MIA2: variants seen among roughly 807,000 people sequenced by gnomAD.
The protein encoded by MIA2 is MIA SH3 domain ER export factor 2, also known as melanoma inhibitory activity protein 2.
A neutral mutation model predicts 167.8 loss-of-function variants in MIA2; 127 were observed. That is an observed-to-expected ratio of 0.76 (90% CI 0.66 to 0.88). The LOEUF is 0.88. Ranked by LOEUF, MIA2 falls within the 40% of genes least tolerant of loss-of-function variation. The pLI is 0.00. For synonymous variants in MIA2, 552 were observed against 541.9 expected, an observed-to-expected ratio of 1.02 and a Z score of -0.26; for missense variants, 1,690 against 1,624.7, an observed-to-expected ratio of 1.04 and a Z score of -0.69.
intron 26 of MIA2, chr14:39,347,402 AAAGGAGGGAGGAGGAAAAGAAGG>A (rs1483624961): frequency 8.6e-5 from 27 of 314,378 alleles, no homozygotes; most frequent in African/African-American, 5.5e-4. Context: ...GGCAAACATA[AAAGGAGGGAGGAGGAAAAGAAGG>A]AAGGAGGGAG....
chr14:39,287,624 C>T (rs746280710), intron 9 of MIA2, among the ~76,000 whole-genome samples: 29 of 151,866 alleles, frequency 1.9e-4, no homozygotes, highest in African/African-American at 6.5e-4. Flanking sequence ...AATGCAGTGG[C>T]GTGATCTCGG....
chr14:39,309,788 A>G (rs2063908252), intron 18 of MIA2, among the ~76,000 whole-genome samples: 2 of 152,286 alleles, frequency 1.3e-5, no homozygotes, highest in East Asian at 1.9e-4. Context: ...TGTTCAGTAC[A>G]TGTTTGTTGA....
Position 39,238,177 on chromosome 14 carries a change from G to GTT in MIA2, c.249+1133_249+1134dup, listed in dbSNP as rs553000757. Among the ~76,000 whole-genome samples, 86 of 145,404 alleles carry GTT rather than the reference G, an allele frequency of 5.9e-4. 1 individual carries two copies. Among genetic ancestry groups the GTT allele is most frequent in the African/African-American group, 7.0e-4 (28 of 39,814 alleles). On this transcript the variant is annotated intron_variant, in intron 2 of 28. Coordinates refer to ENST00000640607, the MANE Select transcript of MIA2 (RefSeq NM_001329214.4). ...GTAGCTAGGGAAGCTAGGTGTACAA[G>GTT]TTTTTTTTTTTTATTGAGACAGAGT...
At chr14:39,277,819 G>C (rs2058395528) in intron 7 of MIA2, among the ~76,000 whole-genome samples, 1 of 141,064 alleles carries the variant, frequency 7.1e-6, no homozygotes. Context: ...ATGTTGCCTA[G>C]GTTGTAGTGC....
intron 23 of MIA2, chr14:39,386,297 T>C (rs531962398): frequency 1.3e-6 from 2 of 1,481,528 alleles, no homozygotes; most frequent in Admixed American, 1.7e-5. Flanking sequence ...ATTTCTGGCC[T>C]CCAAAGTGAC....
intron 7 of MIA2, 139 bp from the exon 8 acceptor site, chr14:39,279,198 A>G (rs2058579805): frequency 3.2e-6 from 2 of 619,072 alleles, no homozygotes; most frequent in East Asian, 2.8e-5. Flanking sequence ...TTCTCATTGG[A>G]AACAGAATAC....
chr14:39,303,377 A>T, intron 15 of MIA2, 101 bp from the exon 16 acceptor site: 4 of 877,326 alleles, frequency 4.6e-6, no homozygotes, highest in Non-Finnish European at 7.2e-6. Context: ...AAGAGGGATT[A>T]TAAGTTTCTG....
At chr14:39,372,158 T>A (rs1439110414) in intron 23 of MIA2, among the ~76,000 whole-genome samples, 1 of 148,722 alleles carries the variant, frequency 6.7e-6, no homozygotes, top group African/African-American at 2.6e-5. Flanking sequence ...GATTCTGTTA[T>A]AAGAATGGAG....
At chr14:39,262,633 C>T (rs566746170) in intron 6 of MIA2, among the ~76,000 whole-genome samples, 6 of 152,314 alleles carry the variant, frequency 3.9e-5, no homozygotes, top group Non-Finnish European at 1.5e-5. Flanking sequence ...AATATTGATT[C>T]TTCCTATCCA....
At chr14:39,378,860 A>C (rs1473575355) in intron 23 of MIA2, among the ~76,000 whole-genome samples, 2 of 152,216 alleles carry the variant, frequency 1.3e-5, no homozygotes, top group African/African-American at 4.8e-5. Flanking sequence ...TGATTTTGGA[A>C]AGTTTGTCAA....
rs1247343464 is a variant in MIA2 at position 39,385,963 on chromosome 14, GC to G, written c.2249-920del. ...AGACACACTGAGAGGAGGACCAGGAGCCTGTCCGCCACCATTTGAGCAAGAA... is the reference window on the plus strand; with the variant it reads ...AGACACACTGAGAGGAGGACCAGGAGCTGTCCGCCACCATTTGAGCAAGAA... On this transcript the variant is annotated intron_variant, in intron 23 of 23. Transcript: ENST00000341502. 14 of 816,542 alleles carry G rather than the reference GC, an allele frequency of 1.7e-5. No individual in the cohort carries two copies. In the African/African-American group the frequency reaches 1.9e-4, roughly 11 times the overall value. 50.6% of individuals were successfully genotyped at this position (816,542 alleles called of 1,614,324 possible).
chr14:39,349,505 C>T, intron 28 of MIA2, among the ~76,000 whole-genome samples: 1 of 152,128 alleles, frequency 6.6e-6, no homozygotes, highest in Middle Eastern at 3.2e-3. Flanking sequence ...CTTTTATATT[C>T]ATACTTTACT....
chr14:39,317,966 GA>G lies in MIA2; in HGVS notation c.3242del (p.Asn1081ThrfsTer5), dbSNP rs2065795747. 1 of 1,582,842 alleles carries G rather than the reference GA, an allele frequency of 6.3e-7. No homozygotes were observed. The highest frequency in any genetic ancestry group is 1.4e-5 in the African/African-American group (1 of 73,466). The part of the protein sequence containing the change: ...DNWLAARNAE[R>X]NLNDLRKENA... Reference sequence around the variant, plus strand: ...AAGTTGGCAGCTCGGAATGCTGAAAGAAACCTCAATGATTTAAGGAAAGAAA... The same window carrying G: ...AAGTTGGCAGCTCGGAATGCTGAAAGAACCTCAATGATTTAAGGAAAGAAA... On this transcript the variant is annotated frameshift_variant, in exon 22 of 29. Transcript: ENST00000640607. LOFTEE classifies it high-confidence loss of function.
At chr14:39,347,919 TCTC>T in intron 27 of MIA2, 148 bp downstream of exon 27, 1 of 687,076 alleles carries the variant, frequency 1.5e-6, no homozygotes, top group Non-Finnish European at 2.3e-6. Flanking sequence ...TTCAAGCAAT[TCTC>T]CTGCCTCAGC....
chr14:39,288,169 A>G (rs1197472665), intron 9 of MIA2, among the ~76,000 whole-genome samples: 1 of 151,764 alleles, frequency 6.6e-6, no homozygotes, highest in Non-Finnish European at 1.5e-5. Flanking sequence ...TTTTATCAAG[A>G]GATGATGTTG....
chr14:39,354,753 G>A (rs1341558365), downstream of MIA2, among the ~76,000 whole-genome samples: 2 of 152,130 alleles, frequency 1.3e-5, no homozygotes, highest in Admixed American at 6.6e-5. Context: ...TGTAAGGAAG[G>A]GGTCCAGTTT....
chr14:39,315,813 T>G (rs2065305699), intron 21 of MIA2, 95 bp downstream of exon 21: 1 of 824,148 alleles, frequency 1.2e-6, no homozygotes. Flanking sequence ...ATAAATATAG[T>G]ATTCTAAAAA....
intron 18 of MIA2, among the ~76,000 whole-genome samples, chr14:39,310,258 A>G (rs960858885): frequency 6.6e-6 from 1 of 152,104 alleles, no homozygotes; most frequent in Non-Finnish European, 1.5e-5. Flanking sequence ...TTTTTACAGT[A>G]TATTTAGTGC....
chr14:39,302,795 A>G (rs900796330), intron 15 of MIA2, among the ~76,000 whole-genome samples: 18 of 150,898 alleles, frequency 1.2e-4, no homozygotes, highest in Non-Finnish European at 2.2e-4. Flanking sequence ...CCTTTGACCT[A>G]AAAAAAACCT....
Sources: allele counts gnomAD v4.1 joint callset (sites outside exome capture counted in the v4.1 genomes callset), GRCh38; gene constraint gnomAD v4.1.1; transcripts MANE v1.5; gene names NCBI Gene and HGNC (gene_info 2026-07-23, HGNC 2026-07-21).